The following MTHFD1L variants were observed in gnomAD, a reference collection of about 807,000 sequenced individuals.
The protein encoded by MTHFD1L is methylenetetrahydrofolate dehydrogenase (NADP+ dependent) 1 like, also known as monofunctional C1-tetrahydrofolate synthase, mitochondrial.
MTHFD1L carries 81 observed loss-of-function variants against 119.5 expected under a neutral mutation model. The observed-to-expected ratio is 0.68, with a 90% CI of 0.57 to 0.82. The LOEUF (loss-of-function observed/expected upper bound fraction) is 0.82. MTHFD1L is among the 40% of genes least tolerant of loss of function. The pLI is 0.00. For synonymous variants in MTHFD1L, 430 were observed against 475.2 expected (o/e 0.90, Z 1.24); for missense variants, 1,125 against 1,253.4 (o/e 0.90, Z 1.55).
intron 1 of MTHFD1L, among the ~76,000 whole-genome samples, chr6:150,867,988 G>C (rs972245458): frequency 4.6e-5 from 7 of 151,866 alleles, no homozygotes; most frequent in Admixed American, 2.6e-4. Flanking sequence ...AGTAAAGACA[G>C]GATGTCTCAC....
chr6:151,034,547 G>C lies in MTHFD1L; in HGVS notation c.2641G>C (p.Asp881His). ...TGCTCAGGCTGTCTATGGAGCCAAA[G>C]ATATTGAACTCTCTCCTGAGGCACA... is the stretch of plus-strand genomic sequence containing the variant. Reference protein sequence around the residue: ...TIAQAVYGAKDIELSPEAQAK... With the variant: ...TIAQAVYGAKHIELSPEAQAK... The change falls in exon 25 of 28, where the codon GAT becomes CAT. Residue 881 changes from aspartate to histidine, a missense_variant. Asp to His is a moderately conservative substitution (Grantham distance 81). Coordinates refer to ENST00000367321, the MANE Select transcript of MTHFD1L (RefSeq NM_015440.5). 6.2e-7 allele frequency: 1 copy of C among 1,611,952 alleles called. No homozygotes were observed. The highest frequency in any genetic ancestry group is 1.1e-5 in the South Asian group (1 of 90,994).
intron 19 of MTHFD1L, among the ~76,000 whole-genome samples, chr6:150,966,388 A>G (rs116104689): frequency 0.014 from 2,126 of 152,274 alleles, 21 homozygotes; most frequent in South Asian, 0.036. Flanking sequence ...ACTCACAATC[A>G]TGAGAACAGC....
chr6:150,902,588 C>T (rs1178164246), intron 7 of MTHFD1L, among the ~76,000 whole-genome samples: 1 of 152,102 alleles, frequency 6.6e-6, no homozygotes, highest in Admixed American at 6.6e-5. Context: ...TTTTCCTTTC[C>T]AGAAAGAATT....
intron 26 of MTHFD1L, among the ~76,000 whole-genome samples, chr6:151,082,184 T>C (rs1584424246): frequency 6.6e-6 from 1 of 152,170 alleles, no homozygotes; most frequent in South Asian, 2.1e-4. Flanking sequence ...GATGAATGAG[T>C]ATGTCGCAAA....
intron 8 of MTHFD1L, chr6:150,912,614 C>T: frequency 2.2e-6 from 1 of 464,650 alleles, no homozygotes; most frequent in South Asian, 1.6e-5. Flanking sequence ...AAGGGTGGTT[C>T]TGATTTCTGA....
At chr6:151,029,767 C>G (rs1785083196) in intron 24 of MTHFD1L, among the ~76,000 whole-genome samples, 1 of 152,162 alleles carries the variant, frequency 6.6e-6, no homozygotes, top group African/African-American at 2.4e-5. Context: ...TTCCACTCCA[C>G]CCTGGGTGAC....
At chr6:151,100,182 T>C (rs1012280102) in intron 27 of MTHFD1L, among the ~76,000 whole-genome samples, 2 of 152,002 alleles carry the variant, frequency 1.3e-5, no homozygotes, top group Non-Finnish European at 2.9e-5. Context: ...TACAGGCACC[T>C]GCCACCACGC....
At chr6:151,086,005 A>T (rs567594241) in intron 26 of MTHFD1L, among the ~76,000 whole-genome samples, 37 of 152,208 alleles carry the variant, frequency 2.4e-4, no homozygotes, top group African/African-American at 7.9e-4. Context: ...GAGTCGAATG[A>T]ACTTCACCGT....
chr6:150,867,401 A>G (rs568997052), intron 1 of MTHFD1L, among the ~76,000 whole-genome samples: 5 of 152,320 alleles, frequency 3.3e-5, no homozygotes, highest in African/African-American at 1.2e-4. Context: ...CTCTGTTACC[A>G]GGCTGGTCTG....
chr6:151,061,111 T>A (rs1207976133), intron 26 of MTHFD1L, among the ~76,000 whole-genome samples: 1 of 152,202 alleles, frequency 6.6e-6, no homozygotes, highest in Non-Finnish European at 1.5e-5. Flanking sequence ...TTTGTTTAGA[T>A]AAGCAATAAA....
chr6:151,023,139 C>T (rs1256763050), intron 24 of MTHFD1L, among the ~76,000 whole-genome samples: 5 of 151,848 alleles, frequency 3.3e-5, no homozygotes, highest in Admixed American at 6.6e-5. Flanking sequence ...CTCCACCTCC[C>T]GGTTTCAAGC....
At position 151,017,286 on chromosome 6, in the gene MTHFD1L, C is replaced by T. The variant is rs889727733; in HGVS notation, c.2586+1593C>T. ...GGGACCTCATGTAAGTAGCATCATA[C>T]TGTGGCTGGCTTATTTCACTTAGCA... On this transcript the variant is annotated intron_variant, in intron 24 of 27. Coordinates refer to ENST00000367321, the MANE Select transcript of MTHFD1L (RefSeq NM_015440.5). 2.6e-5 allele frequency among the ~76,000 whole-genome samples: 4 copies of T among 152,210 alleles called. No homozygotes were observed. In the East Asian group the frequency reaches 7.7e-4, roughly 29 times the overall value.
intron 14 of MTHFD1L, among the ~76,000 whole-genome samples, chr6:150,945,007 T>G (rs1793697643): frequency 6.6e-6 from 1 of 152,224 alleles, no homozygotes; most frequent in African/African-American, 2.4e-5. Context: ...CAGAGACCCT[T>G]ATTGGGCTTC....
At chr6:151,062,342 G>C (rs565071454) in intron 26 of MTHFD1L, among the ~76,000 whole-genome samples, 1 of 152,300 alleles carries the variant, frequency 6.6e-6, no homozygotes, top group South Asian at 2.1e-4. Flanking sequence ...GGAGGCTGAG[G>C]TAGGAGAATG....
intron 7 of MTHFD1L, among the ~76,000 whole-genome samples, chr6:150,888,746 A>G (rs529764039): frequency 4.2e-4 from 64 of 152,362 alleles, no homozygotes; most frequent in Admixed American, 2.0e-3. Context: ...TCCCAGCCAC[A>G]CAGTGTGAAT....
chr6:151,027,677 G>A (rs1458218052), intron 24 of MTHFD1L, among the ~76,000 whole-genome samples: 3 of 148,918 alleles, frequency 2.0e-5, no homozygotes, highest in Admixed American at 6.7e-5. Context: ...CCCAAATCAA[G>A]CAGATTAACC....
chr6:150,914,576 T>A (rs1204051096), intron 8 of MTHFD1L, among the ~76,000 whole-genome samples: 3 of 152,062 alleles, frequency 2.0e-5, no homozygotes, highest in African/African-American at 7.2e-5. Flanking sequence ...GACGGATTGC[T>A]TGAGCCTGGG....
At chr6:150,945,261 A>G (rs1793733627) in intron 14 of MTHFD1L, among the ~76,000 whole-genome samples, 1 of 152,252 alleles carries the variant, frequency 6.6e-6, no homozygotes, top group South Asian at 2.1e-4. Context: ...ACTCTTTGCA[A>G]TGTGTATTAT....
Position 150,949,113 on chromosome 6 carries a change from C to A in MTHFD1L, c.1706C>A (p.Ser569Tyr), listed in dbSNP as rs376707119. Residue 569 changes from serine (S) to tyrosine (Y), a missense_variant, in exon 16 of 28, where the codon TCT becomes TAT. Coordinates refer to ENST00000367321, the MANE Select transcript of MTHFD1L (RefSeq NM_015440.5). ...TTTGCCCGTCTCGACATCGACCCATCTACCATCACGTGGCAGAGAGGTGGG... is the reference window on the plus strand; with the variant it reads ...TTTGCCCGTCTCGACATCGACCCATATACCATCACGTGGCAGAGAGGTGGG... The part of the protein sequence containing the change: ...SKFARLDIDP[S>Y]TITWQRVLDT... 6 of 1,613,916 alleles carry A rather than the reference C, an allele frequency of 3.7e-6. No individual in the cohort carries two copies. The African/African-American group carries it at 8.0e-5, about 22-fold the overall frequency.
Sources: allele counts gnomAD v4.1 joint callset (sites outside exome capture counted in the v4.1 genomes callset), GRCh38; gene constraint gnomAD v4.1.1; transcripts MANE v1.5; gene names NCBI Gene and HGNC (gene_info 2026-07-23, HGNC 2026-07-21).